CDHR3: variants seen among roughly 807,000 people sequenced by gnomAD.
The protein encoded by CDHR3 is cadherin-related family member 3.
In CDHR3, 79 loss-of-function variants were observed where a neutral mutation model predicts 86.6. That is an observed-to-expected ratio of 0.91 (90% CI 0.76 to 1.10). The LOEUF is 1.10. Ranked by LOEUF, CDHR3 falls within the 50% of genes least tolerant of loss-of-function variation. The pLI is 0.00. For synonymous variants in CDHR3, 421 were observed against 402.4 expected, an observed-to-expected ratio of 1.05 and a Z score of -0.55; for missense variants, 1,081 against 1,077.6, an observed-to-expected ratio of 1.00 and a Z score of -0.04.
intron 1 of CDHR3, among the ~76,000 whole-genome samples, chr7:105,969,496 C>G (rs1260266840): frequency 1.3e-5 from 2 of 150,734 alleles, no homozygotes; most frequent in African/African-American, 4.9e-5. Context: ...TTATTGATAA[C>G]AGTGGGATTG....
At chr7:106,016,348 G>C (rs1835620144) in intron 11 of CDHR3, among the ~76,000 whole-genome samples, 1 of 152,164 alleles carries the variant, frequency 6.6e-6, no homozygotes, top group Non-Finnish European at 1.5e-5. Context: ...TCCACTGTGA[G>C]TTTTATCCAG....
rs562015720 is a variant in CDHR3 at position 105,972,562 on chromosome 7, G to A, written c.47-2282G>A. Among the ~76,000 whole-genome samples the A allele has an allele frequency of 3.3e-5, 5 of 152,224 alleles. No homozygotes were observed. In the East Asian group the frequency reaches 7.7e-4, roughly 23 times the overall value. On this transcript the variant is annotated intron_variant, in intron 1 of 18. Coordinates refer to ENST00000317716, the MANE Select transcript of CDHR3 (RefSeq NM_152750.5). ...ACAGCTCAGAGAGGTATGCATTTGC[G>A]AGAAAAGAGAATGGGAGGGAATTAT...
chr7:106,028,996 T>G (rs568475244), intron 17 of CDHR3, among the ~76,000 whole-genome samples: 1 of 90,192 alleles, frequency 1.1e-5, no homozygotes, highest in Admixed American at 1.1e-4. Context: ...TTCTTTCTTT[T>G]TAAGACACAG....
At chr7:106,017,694 A>T (rs1472625006) in intron 11 of CDHR3, among the ~76,000 whole-genome samples, 152 bp from the exon 12 acceptor site, 1 of 151,864 alleles carries the variant, frequency 6.6e-6, no homozygotes, top group Non-Finnish European at 1.5e-5. Flanking sequence ...GCATTATTTC[A>T]ATTTAGTAGA....
At position 106,032,398 on chromosome 7, in the gene CDHR3, G is replaced by T. The variant is rs368743207; in HGVS notation, c.2359G>T (p.Gly787Trp). 3 of 1,603,826 alleles carry T rather than the reference G, an allele frequency of 1.9e-6. No individual in the cohort carries two copies. The highest frequency in any genetic ancestry group is 2.6e-6 in the Non-Finnish European group (3 of 1,173,424). ...TTGTATTTTTTTTTCACTAGTGACC[G>T]GGGAAACATATGAATTCAACTCAAA... ...FDGEAIDPVT[G>W]ETYEFNSKTG... Residue 787 changes from glycine (G) to tryptophan (W), a missense_variant, in exon 19 of 19, where the codon GGG becomes TGG. Physicochemically the swap from Gly to Trp is radical, Grantham distance 184. Coordinates refer to ENST00000317716, the MANE Select transcript of CDHR3 (RefSeq NM_152750.5).
intron 1 of CDHR3, among the ~76,000 whole-genome samples, chr7:105,966,477 C>CA (rs1826950612): frequency 6.6e-6 from 1 of 152,210 alleles, no homozygotes; most frequent in African/African-American, 2.4e-5. Context: ...GCAAATCAAA[C>CA]AAAGGCCCAA....
At chr7:106,010,400 G>A (rs956145219) in intron 8 of CDHR3, among the ~76,000 whole-genome samples, 1 of 152,220 alleles carries the variant, frequency 6.6e-6, no homozygotes, top group African/African-American at 2.4e-5. Flanking sequence ...ACAGCATGCA[G>A]TTGGTGTTTA....
chr7:105,975,534 C>T (rs1056258886), intron 2 of CDHR3, among the ~76,000 whole-genome samples: 3 of 152,170 alleles, frequency 2.0e-5, no homozygotes, highest in African/African-American at 7.2e-5. Context: ...AATGTCCAGC[C>T]CTACCATGTG....
intron 8 of CDHR3, chr7:106,004,967 T>C (rs1256162123): frequency 2.3e-6 from 1 of 428,882 alleles, no homozygotes; most frequent in African/African-American, 2.1e-5. Context: ...GGCTCATCTC[T>C]GTTGGTGAAA....
At chr7:105,990,113 T>G (rs1461786421) in intron 4 of CDHR3, among the ~76,000 whole-genome samples, 1 of 152,230 alleles carries the variant, frequency 6.6e-6, no homozygotes, top group African/African-American at 2.4e-5. Context: ...ATCATTGTTA[T>G]TAAGATTAGC....
In CDHR3 at chr7:106,028,718, C is replaced by G. The variant is rs545719659; in HGVS notation, c.2304+136C>G. The stretch of plus-strand genomic sequence containing the variant: ...AGGTGCTTGTGTTTGGCTACTGGAA[C>G]AGATTGCTGTGTGACGAGCTCCTGA... On this transcript the variant is annotated intron_variant, in intron 17 of 18. Transcript: ENST00000317716. 56 of 855,396 alleles carry G rather than the reference C, an allele frequency of 6.5e-5. No homozygotes were observed. The African/African-American group carries it at 7.3e-4, about 11-fold the overall frequency. The allele number at this position is 855,396 out of a possible 1,614,324, so 53.0% of individuals were successfully genotyped here.
At chr7:106,004,711 C>T in intron 8 of CDHR3, 24 bp downstream of exon 8, 2 of 1,612,092 alleles carry the variant, frequency 1.2e-6, no homozygotes, top group Non-Finnish European at 1.7e-6. Context: ...GAAAGTTGGG[C>T]TGGACATTCT....
At position 106,035,390 on chromosome 7, in the gene CDHR3, A is replaced by G. The variant is rs1390711792; in HGVS notation, c.*2693A>G. 6.6e-6 allele frequency among the ~76,000 whole-genome samples: 1 copy of G among 152,208 alleles called. No homozygotes were observed. Among genetic ancestry groups the G allele is most frequent in the Non-Finnish European group, 1.5e-5 (1 of 68,036 alleles). On this transcript the variant is annotated 3_prime_UTR_variant, in exon 19 of 19. Coordinates refer to ENST00000317716, the MANE Select transcript of CDHR3 (RefSeq NM_152750.5). The stretch of plus-strand genomic sequence containing the variant: ...CCCCGTTTCTTTTGTATATCCGGCT[A>G]TTTGGTTCGGGGAAATCCAGAAGTC...
At position 106,013,032 on chromosome 7, in the gene CDHR3, G is replaced by T. The variant is rs1835053907; in HGVS notation, c.1224+1G>T. 1 of 1,597,694 alleles carries T rather than the reference G, an allele frequency of 6.3e-7. No individual in the cohort carries two copies. Among genetic ancestry groups the T allele is most frequent in the Admixed American group, 1.7e-5 (1 of 57,576 alleles). On this transcript the variant is annotated splice_donor_variant, in intron 9 of 18. Transcript: ENST00000317716. LOFTEE classifies it high-confidence loss of function. Reference sequence around the variant, plus strand: ...TCCAGCTGGCTCTGGGAAGATTGTGGTCAGTTAATGGTCATTGCATCATTA... The same window carrying T: ...TCCAGCTGGCTCTGGGAAGATTGTGTTCAGTTAATGGTCATTGCATCATTA...
chr7:105,970,827 C>T (rs974787341), intron 1 of CDHR3, among the ~76,000 whole-genome samples: 2 of 152,050 alleles, frequency 1.3e-5, no homozygotes, highest in Admixed American at 1.3e-4. Context: ...GCTGGAGAAA[C>T]CGGATTTTGA....
At position 106,033,058 on chromosome 7, in the gene CDHR3, T is replaced by G. The variant is rs1838610722; in HGVS notation, c.*361T>G. Reference sequence around the variant, plus strand: ...TTGTAGGAATTCCTGACATAAATAGTGAAGACTATCCTTACATCTGGTTTC... The same window carrying G: ...TTGTAGGAATTCCTGACATAAATAGGGAAGACTATCCTTACATCTGGTTTC... On this transcript the variant is annotated 3_prime_UTR_variant, in exon 19 of 19. Transcript: ENST00000317716. 2 of 209,120 alleles carry G rather than the reference T, an allele frequency of 9.6e-6. No individual in the cohort carries two copies. Among genetic ancestry groups the G allele is most frequent in the Non-Finnish European group, 1.9e-5 (2 of 103,088 alleles). 13.0% of individuals were successfully genotyped at this position (209,120 alleles called of 1,614,324 possible). A position where few individuals can be genotyped will look rare whatever the true frequency, so the allele number is the denominator to read the frequency against.
chr7:105,978,417 T>C (rs1309942354), intron 2 of CDHR3, among the ~76,000 whole-genome samples: 1 of 152,214 alleles, frequency 6.6e-6, no homozygotes, highest in Non-Finnish European at 1.5e-5. Flanking sequence ...TCGTGAGCAC[T>C]GTGGCCTACA....
intron 4 of CDHR3, among the ~76,000 whole-genome samples, chr7:105,992,785 A>G (rs1831557680): frequency 6.6e-6 from 1 of 152,218 alleles, no homozygotes; most frequent in South Asian, 2.1e-4. Flanking sequence ...TTGCATAGAA[A>G]AGAACAGAAG....
At chr7:105,968,097 C>T (rs756135759) in intron 1 of CDHR3, among the ~76,000 whole-genome samples, 17 of 152,120 alleles carry the variant, frequency 1.1e-4, no homozygotes, top group African/African-American at 2.7e-4. Context: ...ACTTTTACAC[C>T]GACCTAATAT....
Sources: gnomAD v4.1 joint callset for allele counts (sites outside exome capture counted in the v4.1 genomes callset) on GRCh38, gnomAD v4.1.1 for gene constraint, MANE v1.5 for transcripts, NCBI Gene and HGNC (gene_info 2026-07-23, HGNC 2026-07-21) for gene names.